CHCHD3: variants seen among roughly 807,000 people sequenced by gnomAD.
CHCHD3 encodes the protein coiled-coil-helix-coiled-coil-helix domain containing 3.
CHCHD3 carries 20 observed loss-of-function variants against 38.2 expected under a neutral mutation model. The observed-to-expected ratio is 0.52, with a 90% confidence interval of 0.37 to 0.76. The LOEUF (loss-of-function observed/expected upper bound fraction) is 0.76, where lower values mean the gene tolerates loss of function less well. CHCHD3 is among the 30% of genes least tolerant of loss of function. CHCHD3 has a pLI of 0.00. For missense variants in CHCHD3, 245 were observed against 279.2 expected, an observed-to-expected ratio of 0.88 and a Z score of 0.87; for synonymous variants, 82 against 100.0, an observed-to-expected ratio of 0.82 and a Z score of 1.07.
chr7:132,968,118 T>C (rs17166828), intron 4 of CHCHD3, among the ~76,000 whole-genome samples: 2,332 of 152,240 alleles, frequency 0.015, 57 homozygotes, highest in South Asian at 0.1. Flanking sequence ...AGGTTGTATA[T>C]GCATTCCAGC....
chr7:132,996,957 A>T (rs1193763009), intron 3 of CHCHD3, among the ~76,000 whole-genome samples: 1 of 152,240 alleles, frequency 6.6e-6, no homozygotes, highest in Non-Finnish European at 1.5e-5. Context: ...AACAGCATCT[A>T]CTTATACAAA....
intron 4 of CHCHD3, among the ~76,000 whole-genome samples, chr7:132,900,794 C>T (rs966516565): frequency 2.3e-4 from 35 of 152,064 alleles, no homozygotes; most frequent in African/African-American, 7.7e-4. Context: ...AGTTCAAGAC[C>T]GGCCTGACCA....
intron 4 of CHCHD3, among the ~76,000 whole-genome samples, chr7:132,904,912 T>C (rs901267636): frequency 1.3e-5 from 2 of 152,128 alleles, no homozygotes; most frequent in Non-Finnish European, 2.9e-5. Flanking sequence ...TATGCAGCCA[T>C]AAGAAAGGAC....
rs1440687586 is a variant in CHCHD3, at chr7:133,070,232, G to A, written c.82-3C>T. On this transcript the variant is annotated splice_region_variant and splice_polypyrimidine_tract_variant and intron_variant, in intron 1 of 7. Transcript: ENST00000262570. ...CGATCAATCACATTTTCCGAAAGCTGGAAAAGCAACATCAAAATAAAATCA... is the reference window on the plus strand; with the variant it reads ...CGATCAATCACATTTTCCGAAAGCTAGAAAAGCAACATCAAAATAAAATCA... The A allele has an allele frequency of 1.2e-6, 2 of 1,611,456 alleles. No individual in the cohort carries two copies. The highest frequency in any genetic ancestry group is 3.4e-5 in the Admixed American group (2 of 59,442).
intron 6 of CHCHD3, among the ~76,000 whole-genome samples, chr7:132,800,759 A>AC (rs1806769551): frequency 6.6e-6 from 1 of 152,272 alleles, no homozygotes; most frequent in South Asian, 2.1e-4. Flanking sequence ...TACAGATACT[A>AC]TGATGAAATA....
At chr7:132,974,873 CA>C (rs574418462) in intron 4 of CHCHD3, among the ~76,000 whole-genome samples, 233 of 126,626 alleles carry the variant, frequency 1.8e-3, no homozygotes, top group African/African-American at 5.1e-3. Context: ...GACTCCGTCT[CA>C]AAAAAAAAAA....
chr7:133,025,767 G>GT (rs1460934901), intron 2 of CHCHD3, among the ~76,000 whole-genome samples: 1 of 152,236 alleles, frequency 6.6e-6, no homozygotes, highest in Non-Finnish European at 1.5e-5. Flanking sequence ...GCCTCCCAAA[G>GT]TGCTGGGATT....
intron 5 of CHCHD3, among the ~76,000 whole-genome samples, chr7:132,875,913 A>G (rs1808885417): frequency 6.6e-6 from 1 of 152,200 alleles, no homozygotes; most frequent in African/African-American, 2.4e-5. Context: ...CTATTTGATG[A>G]TGTTATGAGC....
intron 6 of CHCHD3, chr7:132,815,621 C>A (rs1487380501): frequency 3.1e-5 from 14 of 455,310 alleles, no homozygotes; most frequent in Non-Finnish European, 6.2e-5. Context: ...TATTTCATTT[C>A]ACCAAACCTG....
chr7:133,043,539 G>A (rs1163526637), intron 2 of CHCHD3, among the ~76,000 whole-genome samples: 5 of 151,828 alleles, frequency 3.3e-5, no homozygotes, highest in South Asian at 2.1e-4. Context: ...CCAGCTACTC[G>A]GGAGGCTGAG....
chr7:132,985,752 G>A (rs1156346867), intron 3 of CHCHD3, among the ~76,000 whole-genome samples: 1 of 89,544 alleles, frequency 1.1e-5, no homozygotes, highest in South Asian at 3.5e-4. Flanking sequence ...CCCCCCACCC[G>A]GCCAGCCACC....
At chr7:132,920,105 G>C (rs1438511338) in intron 4 of CHCHD3, among the ~76,000 whole-genome samples, 1 of 152,112 alleles carries the variant, frequency 6.6e-6, no homozygotes, top group African/African-American at 2.4e-5. Flanking sequence ...CATGGAGCAG[G>C]GCTGTATAAA....
At chr7:132,960,568 CT>C (rs1811292106) in intron 4 of CHCHD3, among the ~76,000 whole-genome samples, 1 of 152,192 alleles carries the variant, frequency 6.6e-6, no homozygotes, top group South Asian at 2.1e-4. Context: ...GGGAAACTTT[CT>C]AATGATGCCA....
intron 2 of CHCHD3, among the ~76,000 whole-genome samples, chr7:133,036,981 G>T (rs1204323583): frequency 6.6e-6 from 1 of 152,118 alleles, no homozygotes; most frequent in Non-Finnish European, 1.5e-5. Flanking sequence ...AAAGATTTAG[G>T]ATCTGGCTTG....
chr7:132,880,582 T>A (rs1165541709), intron 5 of CHCHD3, among the ~76,000 whole-genome samples: 1 of 152,160 alleles, frequency 6.6e-6, no homozygotes, highest in Non-Finnish European at 1.5e-5. Context: ...CTAGGATTCA[T>A]TCACTGTGCT....
chr7:133,008,436 AAG>A (rs1812764658), intron 3 of CHCHD3, among the ~76,000 whole-genome samples: 1 of 151,982 alleles, frequency 6.6e-6, no homozygotes, highest in African/African-American at 2.4e-5. Flanking sequence ...AAAAAAAAAA[AAG>A]AAAAAAAAAG....
chr7:132,858,126 G>A lies in CHCHD3; in HGVS notation c.454-19657C>T, dbSNP rs576566033. Among the ~76,000 whole-genome samples, 48 of 152,078 alleles carry A rather than the reference G, an allele frequency of 3.2e-4. 1 individual carries two copies. The highest frequency in any genetic ancestry group is 6.0e-4 in the Non-Finnish European group (41 of 68,000). On this transcript the variant is annotated intron_variant, in intron 5 of 7. Coordinates refer to ENST00000262570, the MANE Select transcript of CHCHD3 (RefSeq NM_017812.4). The stretch of plus-strand genomic sequence containing the variant: ...TGCCCAGGCTAGAGTGCAGTGGTAC[G>A]ATCTCAGCTCACTGCAACCTCAGCC...
intron 2 of CHCHD3, among the ~76,000 whole-genome samples, chr7:133,069,052 A>G (rs1361366445): frequency 6.6e-6 from 1 of 152,130 alleles, no homozygotes; most frequent in Non-Finnish European, 1.5e-5. Flanking sequence ...AGAAATCAAC[A>G]AAGAACCCTG....
chr7:132,894,106 T>G (rs1173076743), intron 4 of CHCHD3, among the ~76,000 whole-genome samples: 1 of 152,206 alleles, frequency 6.6e-6, no homozygotes, highest in Admixed American at 6.5e-5. Flanking sequence ...GGTGGTGTTT[T>G]GCTTTAAATT....
Sources: allele counts gnomAD v4.1 joint callset (sites outside exome capture counted in the v4.1 genomes callset), GRCh38; gene constraint gnomAD v4.1.1; transcripts MANE v1.5; gene names NCBI Gene and HGNC (gene_info 2026-07-23, HGNC 2026-07-21).